The following RIPOR3 variants were observed in gnomAD, a reference collection of about 807,000 sequenced individuals.
RIPOR3 encodes the protein RIPOR family member 3, also known as family with sequence similarity 65 member C.
A neutral mutation model predicts 114.3 loss-of-function variants in RIPOR3; 95 were observed. That is an observed-to-expected ratio of 0.83 (90% CI 0.70 to 0.99). RIPOR3 has a LOEUF of 0.99. Ranked by LOEUF, RIPOR3 falls within the 50% of genes least tolerant of loss-of-function variation. The pLI is 0.00. For synonymous variants in RIPOR3, 575 were observed against 543.8 expected (o/e 1.06, Z -0.80); for missense variants, 1,252 against 1,266.9 (o/e 0.99, Z 0.18).
intron 2 of RIPOR3, among the ~76,000 whole-genome samples, chr20:50,621,495 G>A (rs8122101): frequency 0.058 from 8,850 of 152,246 alleles, 474 homozygotes; most frequent in African/African-American, 0.14. Flanking sequence ...CCAGGCCTGC[G>A]TTAGTCAACA....
At position 50,647,656 on chromosome 20, in the gene RIPOR3, G is replaced by C. The variant is rs546538229; in HGVS notation, c.4-16800C>G. On this transcript the variant is annotated intron_variant, in intron 1 of 21. Coordinates refer to ENST00000327979, the MANE Select transcript of RIPOR3 (RefSeq NM_001290268.2). ...CGCTACCATGCCCGGCTAATTTTTTGTATTTTTAGTAGAGACAGGGTTTCA... is the reference window on the plus strand; with the variant it reads ...CGCTACCATGCCCGGCTAATTTTTTCTATTTTTAGTAGAGACAGGGTTTCA... 1.1e-4 allele frequency among the ~76,000 whole-genome samples: 17 copies of C among 151,406 alleles called. No individual in the cohort carries two copies. The South Asian group carries it at 3.4e-3, about 30-fold the overall frequency.
chr20:50,638,191 G>A (rs141249694), intron 1 of RIPOR3, among the ~76,000 whole-genome samples: 3,344 of 152,288 alleles, frequency 0.022, 57 homozygotes, highest in South Asian at 0.031. Context: ...AGAGGACAGC[G>A]GCCTGACGGA....
At chr20:50,609,505 T>C (rs1437235808) in intron 7 of RIPOR3, 68 bp downstream of exon 7, 26 of 1,442,532 alleles carry the variant, frequency 1.8e-5, no homozygotes, top group Middle Eastern at 2.4e-4. Flanking sequence ...GGCCCAGCTC[T>C]CGATGTCCCC....
At chr20:50,684,366 G>T (rs1417581589) in intron 1 of RIPOR3, among the ~76,000 whole-genome samples, 1 of 152,202 alleles carries the variant, frequency 6.6e-6, no homozygotes, top group African/African-American at 2.4e-5. Context: ...AGAGAAAAGC[G>T]ATTGCAAAGG....
intron 1 of RIPOR3, chr20:50,653,184 T>C (rs2085678516): frequency 6.6e-6 from 1 of 152,200 alleles, no homozygotes; most frequent in Admixed American, 6.6e-5. Flanking sequence ...GAAAACGGTA[T>C]GCTAAGTGAA....
chr20:50,602,876 C>G lies in RIPOR3; in HGVS notation c.1087-232G>C, dbSNP rs1258434743. Reference sequence around the variant, plus strand: ...CCCCCCAACCTCAACAGCCTCCTGGCTATTGCTCATGCCCTGTGGGCTGGG... The same window carrying G: ...CCCCCCAACCTCAACAGCCTCCTGGGTATTGCTCATGCCCTGTGGGCTGGG... On this transcript the variant is annotated intron_variant, in intron 12 of 21. Transcript: ENST00000327979. The surrounding 1 kb of genome is among the most constrained non-coding windows in gnomAD (Gnocchi z 4.3). 6.6e-6 allele frequency among the ~76,000 whole-genome samples: 1 copy of G among 152,258 alleles called. No individual in the cohort carries two copies. Among genetic ancestry groups the G allele is most frequent in the Non-Finnish European group, 1.5e-5 (1 of 68,048 alleles).
intron 1 of RIPOR3, among the ~76,000 whole-genome samples, chr20:50,671,671 C>A (rs2086501694): frequency 6.6e-6 from 1 of 152,196 alleles, no homozygotes; most frequent in Admixed American, 6.5e-5. Context: ...TAGCACATCC[C>A]CACCATACAG....
At chr20:50,620,190 C>T in intron 2 of RIPOR3, 58 bp from the exon 3 acceptor site, 1 of 1,589,084 alleles carries the variant, frequency 6.3e-7, no homozygotes. Context: ...AAAGCCCTCC[C>T]CAGGGGCAGG....
At chr20:50,684,669 C>A (rs2086957773) in intron 1 of RIPOR3, among the ~76,000 whole-genome samples, 3 of 152,138 alleles carry the variant, frequency 2.0e-5, no homozygotes, top group Admixed American at 6.6e-5. Context: ...CTGCAATAGC[C>A]CAGAGAGAGA....
chr20:50,637,985 C>T (rs1600651705), intron 1 of RIPOR3, among the ~76,000 whole-genome samples: 1 of 151,704 alleles, frequency 6.6e-6, no homozygotes, highest in Non-Finnish European at 1.5e-5. Flanking sequence ...TGGCCTCAAG[C>T]GATCCACATG....
intron 1 of RIPOR3, among the ~76,000 whole-genome samples, chr20:50,669,473 G>C (rs2086383915): frequency 6.6e-6 from 1 of 152,174 alleles, no homozygotes; most frequent in Non-Finnish European, 1.5e-5. Flanking sequence ...TGGCTACCTG[G>C]AAAATATTTG....
At chr20:50,688,485 T>C (rs1472562884) in intron 1 of RIPOR3, among the ~76,000 whole-genome samples, 1 of 152,236 alleles carries the variant, frequency 6.6e-6, no homozygotes, top group East Asian at 1.9e-4. Context: ...TAGAATTTAT[T>C]GAATTGTAAG....
intron 1 of RIPOR3, among the ~76,000 whole-genome samples, chr20:50,643,422 C>A (rs2085276933): frequency 6.6e-6 from 1 of 150,580 alleles, no homozygotes; most frequent in African/African-American, 2.4e-5. Context: ...CAGCTGTGAG[C>A]CACCATGTCT....
chr20:50,668,381 C>A (rs571509579), intron 1 of RIPOR3, among the ~76,000 whole-genome samples: 8 of 152,266 alleles, frequency 5.3e-5, no homozygotes, highest in African/African-American at 1.7e-4. Context: ...CTGGTGGTGC[C>A]AACCACTCAG....
chr20:50,597,501 G>A (rs185893881), intron 14 of RIPOR3, 79 bp downstream of exon 14: 19 of 1,530,130 alleles, frequency 1.2e-5, no homozygotes, highest in Non-Finnish European at 1.6e-5. Context: ...AGACGGGGAG[G>A]CTGGCAGGAA....
intron 2 of RIPOR3, among the ~76,000 whole-genome samples, chr20:50,624,882 T>C (rs1201250219): frequency 6.6e-6 from 1 of 152,108 alleles, no homozygotes; most frequent in African/African-American, 2.4e-5. Context: ...GCTCAAGTCC[T>C]GCACCTGCCC....
chr20:50,685,819 C>CAAAAA (rs541595639), intron 1 of RIPOR3, among the ~76,000 whole-genome samples: 22 of 112,990 alleles, frequency 1.9e-4, no homozygotes, highest in African/African-American at 3.4e-4. Flanking sequence ...GACTCTGTCT[C>CAAAAA]AAAAAAAAAA....
intron 1 of RIPOR3, among the ~76,000 whole-genome samples, chr20:50,676,924 G>A (rs531457061): frequency 3.9e-5 from 6 of 152,118 alleles, no homozygotes; most frequent in South Asian, 2.1e-4. Context: ...GGCCCTGTCC[G>A]TCAATCCATT....
intron 4 of RIPOR3, among the ~76,000 whole-genome samples, chr20:50,613,308 C>T (rs2084038739): frequency 6.6e-6 from 1 of 151,786 alleles, no homozygotes; most frequent in Non-Finnish European, 1.5e-5. Flanking sequence ...CAAAAATTAT[C>T]CTGGCATGAT....
Sources: allele counts gnomAD v4.1 joint callset (sites outside exome capture counted in the v4.1 genomes callset), GRCh38; gene constraint gnomAD v4.1.1; non-coding constraint Gnocchi (gnomAD v3.1); transcripts MANE v1.5; gene names NCBI Gene and HGNC (gene_info 2026-07-23, HGNC 2026-07-21).